LRRC8C: variants seen among roughly 807,000 people sequenced by gnomAD.
The protein encoded by LRRC8C is volume-regulated anion channel subunit LRRC8C.
Under a neutral mutation model 55.3 loss-of-function variants are expected in LRRC8C, and 20 were observed. That is an observed-to-expected ratio of 0.36 (90% CI 0.25 to 0.53). The LOEUF (loss-of-function observed/expected upper bound fraction) is 0.53. LRRC8C is among the 20% of genes least tolerant of loss of function. The pLI, the probability that LRRC8C is intolerant of heterozygous loss-of-function variation, is 0.92. For missense variants in LRRC8C, 659 were observed against 951.4 expected, an observed-to-expected ratio of 0.69 and a Z score of 4.04; for synonymous variants, 376 against 360.7, an observed-to-expected ratio of 1.04 and a Z score of -0.48.
chr1:89,653,528 A>G (rs1656850663), intron 1 of LRRC8C, among the ~76,000 whole-genome samples: 1 of 152,204 alleles, frequency 6.6e-6, no homozygotes, highest in African/African-American at 2.4e-5. Flanking sequence ...CCAAAAAGGC[A>G]CACTGTGAGA....
chr1:89,677,326 G>A (rs932664321), intron 1 of LRRC8C, among the ~76,000 whole-genome samples: 2 of 152,256 alleles, frequency 1.3e-5, no homozygotes, highest in South Asian at 2.1e-4. Context: ...TGCAAGTTCC[G>A]CTTACCTCTT....
At chr1:89,697,575 A>G (rs1286799891) in intron 2 of LRRC8C, among the ~76,000 whole-genome samples, 1 of 152,236 alleles carries the variant, frequency 6.6e-6, no homozygotes, top group African/African-American at 2.4e-5. Context: ...AACCGAAACA[A>G]ATAGTCTGTT....
chr1:89,650,548 T>C (rs1290728342), intron 1 of LRRC8C, among the ~76,000 whole-genome samples: 1 of 152,034 alleles, frequency 6.6e-6, no homozygotes, highest in Non-Finnish European at 1.5e-5. Flanking sequence ...GCCAATTAAA[T>C]AATTATTCAG....
chr1:89,658,275 A>T (rs1157300273), intron 1 of LRRC8C, among the ~76,000 whole-genome samples: 3 of 152,230 alleles, frequency 2.0e-5, no homozygotes, highest in East Asian at 1.9e-4. Flanking sequence ...TTGAGTGATC[A>T]TATAAGCATG....
At chr1:89,712,023 T>C (rs1658662440) in intron 2 of LRRC8C, among the ~76,000 whole-genome samples, 2 of 152,198 alleles carry the variant, frequency 1.3e-5, no homozygotes, top group African/African-American at 4.8e-5. Flanking sequence ...ACTGATACAA[T>C]CTTTGAGGAC....
upstream of LRRC8C, among the ~76,000 whole-genome samples, chr1:89,630,703 G>T (rs1401759075): frequency 6.6e-6 from 1 of 152,206 alleles, no homozygotes; most frequent in Non-Finnish European, 1.5e-5. Context: ...TGAACACCCT[G>T]AAGTCGGAGA....
the LRRC8C span, among the ~76,000 whole-genome samples, chr1:89,616,057 C>T: frequency 6.6e-6 from 1 of 152,126 alleles, no homozygotes; most frequent in Non-Finnish European, 1.5e-5. Context: ...CCTAAGCTGC[C>T]GGCCCTGCTG....
At chr1:89,656,597 C>G (rs896208697) in intron 1 of LRRC8C, among the ~76,000 whole-genome samples, 3 of 152,108 alleles carry the variant, frequency 2.0e-5, no homozygotes, top group African/African-American at 7.2e-5. Context: ...TTCTATATAT[C>G]CATGCAACAA....
intron 1 of LRRC8C, among the ~76,000 whole-genome samples, chr1:89,661,740 G>T (rs1477088339): frequency 6.6e-6 from 1 of 152,160 alleles, no homozygotes; most frequent in Non-Finnish European, 1.5e-5. Context: ...AATATATATA[G>T]TATGTTCAAA....
At chr1:89,688,753 T>A (rs1340419953) in intron 2 of LRRC8C, among the ~76,000 whole-genome samples, 1 of 152,210 alleles carries the variant, frequency 6.6e-6, no homozygotes, top group African/African-American at 2.4e-5. Context: ...TTAACTGTGT[T>A]ACTAGGCAAC....
chr1:89,676,410 C>T (rs138437461), intron 1 of LRRC8C: 116 of 152,314 alleles, frequency 7.6e-4, no homozygotes, highest in African/African-American at 2.6e-3. Context: ...CTTTCCTCAT[C>T]TCAAACATTC....
chr1:89,692,717 GTA>G (rs1411537263), intron 2 of LRRC8C, among the ~76,000 whole-genome samples: 1 of 152,176 alleles, frequency 6.6e-6, no homozygotes, highest in Non-Finnish European at 1.5e-5. Flanking sequence ...GAGTGTAGGA[GTA>G]TATGTGTCTG....
At chr1:89,691,171 T>C (rs982294365) in intron 2 of LRRC8C, among the ~76,000 whole-genome samples, 5 of 152,272 alleles carry the variant, frequency 3.3e-5, no homozygotes, top group African/African-American at 9.6e-5. Context: ...CTGAAGACCA[T>C]AGAAACACAT....
intron 1 of LRRC8C, among the ~76,000 whole-genome samples, chr1:89,677,215 A>T (rs191032034): frequency 4.6e-5 from 7 of 152,350 alleles, no homozygotes; most frequent in Admixed American, 4.6e-4. Flanking sequence ...AAAATAGGTT[A>T]AGCTCAACTT....
At chr1:89,653,113 T>TG (rs1254806890) in intron 1 of LRRC8C, among the ~76,000 whole-genome samples, 1 of 152,140 alleles carries the variant, frequency 6.6e-6, no homozygotes, top group Non-Finnish European at 1.5e-5. Flanking sequence ...TAATCTGACT[T>TG]GCGTTTTCAA....
chr1:89,664,923 C>A (rs1487320358), intron 1 of LRRC8C, among the ~76,000 whole-genome samples: 1 of 152,166 alleles, frequency 6.6e-6, no homozygotes, highest in Non-Finnish European at 1.5e-5. Flanking sequence ...TGGGATTTCA[C>A]TCATGATTTG....
Position 89,633,201 on chromosome 1 carries a change from C to A in LRRC8C, c.-126C>A, listed in dbSNP as rs762653909. On this transcript the variant is annotated 5_prime_UTR_variant, in exon 1 of 3. Transcript: ENST00000370454. The stretch of plus-strand genomic sequence containing the variant: ...TGGCCGCGGCCGCAGTGCTCGGGCG[C>A]GACAAGCCATGAGCAGCGACCCCGC... 5.9e-5 allele frequency: 9 copies of A among 152,280 alleles called. No homozygotes were observed. Among genetic ancestry groups the A allele is most frequent in the Non-Finnish European group, 8.8e-5 (6 of 68,160 alleles). 9.4% of individuals were successfully genotyped at this position (152,280 alleles called of 1,614,324 possible). A position where few individuals can be genotyped will look rare whatever the true frequency, so the allele number is the denominator to read the frequency against.
chr1:89,717,118 A>G lies in LRRC8C; in HGVS notation c.*2136A>G, dbSNP rs1223841319. On this transcript the variant is annotated 3_prime_UTR_variant, in exon 3 of 3. Coordinates refer to ENST00000370454, the MANE Select transcript of LRRC8C (RefSeq NM_032270.5). ...AGTGTTGGAATCCTGAGTTTGAATAATGTGTTGTATTTAGAAACATAGCCC... is the reference window on the plus strand; with the variant it reads ...AGTGTTGGAATCCTGAGTTTGAATAGTGTGTTGTATTTAGAAACATAGCCC... 2.6e-5 allele frequency: 4 copies of G among 152,154 alleles called. No homozygotes were observed. In the East Asian group the frequency reaches 7.7e-4, roughly 29 times the overall value. The allele number at this position is 152,154 out of a possible 1,614,324, so 9.4% of individuals were successfully genotyped here. A position where few individuals can be genotyped will look rare whatever the true frequency, so the allele number is the denominator to read the frequency against.
chr1:89,646,001 C>T (rs536036392), intron 1 of LRRC8C, among the ~76,000 whole-genome samples: 55 of 97,812 alleles, frequency 5.6e-4, no homozygotes, highest in African/African-American at 1.8e-3. Flanking sequence ...TTACTTAGAA[C>T]TTGATATTCT....
Sources: allele counts gnomAD v4.1 joint callset (sites outside exome capture counted in the v4.1 genomes callset), GRCh38; gene constraint gnomAD v4.1.1; transcripts MANE v1.5; gene names NCBI Gene and HGNC (gene_info 2026-07-23, HGNC 2026-07-21).